The following PLCG1 variants were observed in gnomAD, a reference collection of about 807,000 sequenced individuals.
PLCG1 encodes phospholipase C gamma 1, also known as 1-phosphatidylinositol 4,5-bisphosphate phosphodiesterase gamma-1.
PLCG1 carries 71 observed loss-of-function variants against 177.8 expected under a neutral mutation model. The observed-to-expected ratio is 0.40, with a 90% CI of 0.33 to 0.49. The LOEUF (loss-of-function observed/expected upper bound fraction) is 0.49. PLCG1 is among the 20% of genes least tolerant of loss of function. The probability of loss-of-function intolerance (pLI) is 0.72; values close to 1 mark genes in which losing one functional copy is unlikely to be tolerated. For synonymous variants in PLCG1, 658 were observed against 647.9 expected (o/e 1.02, Z -0.24); for missense variants, 1,281 against 1,709.0 (o/e 0.75, Z 4.42).
At chr20:41,145,506 G>A (rs1382412210) in intron 1 of PLCG1, among the ~76,000 whole-genome samples, 9 of 152,100 alleles carry the variant, frequency 5.9e-5, no homozygotes, top group Admixed American at 5.9e-4. Flanking sequence ...CCAACCCATG[G>A]CCCTACTTGA....
chr20:41,172,345 A>T lies in PLCG1; in HGVS notation c.2905+56A>T. On this transcript the variant is annotated intron_variant, in intron 25 of 31. Coordinates refer to ENST00000685551, the MANE Select transcript of PLCG1 (RefSeq NM_002660.3). This position sits in a 1 kb window ranked among gnomAD's most constrained non-coding sequence, Gnocchi z 7.0. ...TGTGCCTGGAGGGCCTGGTGGGTGC[A>T]AAAAGAGTATTTAGGTATCCCCCCA... The T allele has an allele frequency of 5.7e-6, 9 of 1,580,144 alleles. No individual in the cohort carries two copies. Among genetic ancestry groups the T allele is most frequent in the Non-Finnish European group, 7.0e-6 (8 of 1,149,098 alleles).
In PLCG1 at chr20:41,137,837, G is replaced by T. The variant is rs930333657; in HGVS notation, c.196G>T (p.Ala66Ser). Reference protein sequence around the residue: ...ETRQITWSRGADKIEGAIDIR... With the variant: ...ETRQITWSRGSDKIEGAIDIR... Reference sequence around the variant, plus strand: ...GCGCCAGATCACGTGGAGCCGGGGCGCCGACAAGATCGAGGGGGCCAGTAA... The same window carrying T: ...GCGCCAGATCACGTGGAGCCGGGGCTCCGACAAGATCGAGGGGGCCAGTAA... The change falls in exon 1 of 32, where the codon GCC becomes TCC. Residue 66 changes from alanine to serine, a missense_variant. Around this residue, in one of 4 missense-constraint regions of PLCG1, gnomAD observed 374 missense variants for 443.8 expected, o/e 0.84. Coordinates refer to ENST00000685551, the MANE Select transcript of PLCG1 (RefSeq NM_002660.3). This position sits in a 1 kb window ranked among gnomAD's most constrained non-coding sequence, Gnocchi z 7.3. 1 of 1,294,180 alleles carries T rather than the reference G, an allele frequency of 7.7e-7. No individual in the cohort carries two copies. The highest frequency in any genetic ancestry group is 9.9e-7 in the Non-Finnish European group (1 of 1,013,756). 80.2% of individuals were successfully genotyped at this position (1,294,180 alleles called of 1,614,324 possible).
Position 41,164,302 on chromosome 20 carries a change from TCCCTCAGCC to T in PLCG1, c.1217+102_1217+110del. ...GACTCCTCAAATGCCCTGTCCCCTC[TCCCTCAGCC>T]TTTCATCTTTGTCCTTCCTCTTGGC... is the stretch of plus-strand genomic sequence containing the variant. On this transcript the variant is annotated intron_variant, in intron 12 of 31. Coordinates refer to ENST00000685551, the MANE Select transcript of PLCG1 (RefSeq NM_002660.3). The surrounding 1 kb of genome is among the most constrained non-coding windows in gnomAD (Gnocchi z 6.4). 8.4e-7 allele frequency: 1 copy of T among 1,188,084 alleles called. No homozygotes were observed. The highest frequency in any genetic ancestry group is 1.2e-6 in the Non-Finnish European group (1 of 818,888). 73.6% of individuals were successfully genotyped at this position (1,188,084 alleles called of 1,614,324 possible).
chr20:41,162,919 C>T lies in PLCG1; in HGVS notation c.682-39C>T, dbSNP rs774185670. 3.1e-6 allele frequency: 5 copies of T among 1,603,970 alleles called. No homozygotes were observed. In the South Asian group the frequency reaches 3.3e-5, roughly 11 times the overall value. On this transcript the variant is annotated intron_variant, in intron 6 of 31. Transcript: ENST00000685551. ...TACTAGCCCATTTCCCACATGGCCT[C>T]CCAGGGGTCTTGCCCTGACCAGGTT...
chr20:41,174,256 G>C lies in PLCG1; in HGVS notation c.3778G>C (p.Asp1260His). 1 of 1,614,208 alleles carries C rather than the reference G, an allele frequency of 6.2e-7. No homozygotes were observed. The highest frequency in any genetic ancestry group is 1.3e-5 in the African/African-American group (1 of 75,054). ...ATCCCGCTACCAGCAGCCGTTTGAG[G>C]ACTTCCGCATCTCCCAGGAGCATCT... ...FESRYQQPFEDFRISQEHLAD... is the reference protein window; with the variant it reads ...FESRYQQPFEHFRISQEHLAD... The change falls in exon 31 of 32, where the codon GAC becomes CAC. Residue 1260 changes from aspartate (D) to histidine (H), a missense_variant. Asp to His is a moderately conservative substitution (Grantham distance 81). Around this residue, in one of 4 missense-constraint regions of PLCG1, gnomAD observed 153 missense variants for 153.2 expected, o/e 1.00. Coordinates refer to ENST00000685551, the MANE Select transcript of PLCG1 (RefSeq NM_002660.3). The surrounding 1 kb of genome is among the most constrained non-coding windows in gnomAD (Gnocchi z 5.8).
Position 41,162,977 on chromosome 20 carries a change from A to C in PLCG1, c.701A>C (p.Glu234Ala). Reference protein sequence around the residue: ...AQKTMDLPFLEASTLRAGERP... With the variant: ...AQKTMDLPFLAASTLRAGERP... ...CTGCAGATGGACCTCCCCTTCTTGGAAGCCAGTACTCTGAGGTTTGGTTTG... is the reference window on the plus strand; with the variant it reads ...CTGCAGATGGACCTCCCCTTCTTGGCAGCCAGTACTCTGAGGTTTGGTTTG... The change falls in exon 7 of 32, where the codon GAA becomes GCA. Residue 234 changes from glutamate (E) to alanine (A), a missense_variant. This residue lies in a region of PLCG1 where 374 missense variants were observed against 443.8 expected (regional missense o/e 0.84). Transcript: ENST00000685551. 1 of 1,613,974 alleles carries C rather than the reference A, an allele frequency of 6.2e-7. No homozygotes were observed. Among genetic ancestry groups the C allele is most frequent in the Non-Finnish European group, 8.5e-7 (1 of 1,179,938 alleles).
At position 41,150,974 on chromosome 20, in the gene PLCG1, G is replaced by A. The variant is rs1318529598; in HGVS notation, c.218-8632G>A. 1.3e-5 allele frequency among the ~76,000 whole-genome samples: 2 copies of A among 152,168 alleles called. No homozygotes were observed. The highest frequency in any genetic ancestry group is 4.8e-5 in the African/African-American group (2 of 41,442). On this transcript the variant is annotated intron_variant, in intron 1 of 31. Transcript: ENST00000685551. The surrounding 1 kb of genome is among the most constrained non-coding windows in gnomAD (Gnocchi z 4.0). Reference sequence around the variant, plus strand: ...TTGATCTCTGTTTCCCTAGGACCCAGCCCAGGGCCTGACATGGAGTAGATA... The same window carrying A: ...TTGATCTCTGTTTCCCTAGGACCCAACCCAGGGCCTGACATGGAGTAGATA...
Position 41,168,849 on chromosome 20 carries a change from T to C in PLCG1, c.2462T>C (p.Val821Ala). ...TFIKSAIIQN[V>A]EKQEGGWWRG... ...ATCAAGAGCGCCATCATCCAGAATG[T>C]GGAGAAGCAAGAGGGAGGCTGGTAA... is the stretch of plus-strand genomic sequence containing the variant. Residue 821 changes from valine (V) to alanine (A), a missense_variant, in exon 21 of 32, where the codon GTG becomes GCG. Val to Ala is a moderately conservative substitution (Grantham distance 64, BLOSUM62 0). Coordinates refer to ENST00000685551, the MANE Select transcript of PLCG1 (RefSeq NM_002660.3). 6.2e-7 allele frequency: 1 copy of C among 1,610,816 alleles called. No individual in the cohort carries two copies. Among genetic ancestry groups the C allele is most frequent in the Non-Finnish European group, 8.5e-7 (1 of 1,178,248 alleles).
In PLCG1 at chr20:41,164,038, A is replaced by T. The variant is rs748169325; in HGVS notation, c.1096+32A>T. 1.2e-6 allele frequency: 2 copies of T among 1,614,064 alleles called. No homozygotes were observed. Among genetic ancestry groups the T allele is most frequent in the Non-Finnish European group, 1.7e-6 (2 of 1,180,010 alleles). ...GGGGTCCAGGGCTGGGGGAGGGAAG[A>T]TGGGAGGCCTGCCCGCTTGACCATG... On this transcript the variant is annotated intron_variant, in intron 11 of 31. Transcript: ENST00000685551. This position sits in a 1 kb window ranked among gnomAD's most constrained non-coding sequence, Gnocchi z 6.4.
In PLCG1 at chr20:41,173,457, G is replaced by T; in HGVS notation, c.3317G>T (p.Gly1106Val). Reference sequence around the variant, plus strand: ...CGACATCTGCCAAAGAATGGCCGAGGCATTGTGTGTCCTTTTGTGGAGATT... The same window carrying T: ...CGACATCTGCCAAAGAATGGCCGAGTCATTGTGTGTCCTTTTGTGGAGATT... The part of the protein sequence containing the change: ...GARHLPKNGR[G>V]IVCPFVEIEV... The change falls in exon 28 of 32, where the codon GGC (glycine) becomes GTC (valine). Residue 1106 changes from glycine to valine, a missense_variant. Gly to Val is a moderately radical substitution (Grantham distance 109, BLOSUM62 -3). Coordinates refer to ENST00000685551, the MANE Select transcript of PLCG1 (RefSeq NM_002660.3). This position sits in a 1 kb window ranked among gnomAD's most constrained non-coding sequence, Gnocchi z 6.2. 6.2e-7 allele frequency: 1 copy of T among 1,612,728 alleles called. No individual in the cohort carries two copies. The highest frequency in any genetic ancestry group is 8.5e-7 in the Non-Finnish European group (1 of 1,179,102).
In PLCG1 at chr20:41,147,864, A is replaced by T. The variant is rs1367479222; in HGVS notation, c.217+10006A>T. Among the ~76,000 whole-genome samples the T allele has an allele frequency of 6.6e-6, 1 of 151,946 alleles. No individual in the cohort carries two copies. Among genetic ancestry groups the T allele is most frequent in the Non-Finnish European group, 1.5e-5 (1 of 67,998 alleles). ...CTCTGTCTCTTTAAAAAAAAAAAAA[A>T]ATTTAAGCTGGGCTTTCTGGGCAGG... On this transcript the variant is annotated intron_variant, in intron 1 of 31. Coordinates refer to ENST00000685551, the MANE Select transcript of PLCG1 (RefSeq NM_002660.3). The surrounding 1 kb of genome is among the most constrained non-coding windows in gnomAD (Gnocchi z 4.0).
rs945379736 is a variant in PLCG1 at position 41,162,550 on chromosome 20, A to G, written c.597+14A>G. 1 of 1,612,424 alleles carries G rather than the reference A, an allele frequency of 6.2e-7. No homozygotes were observed. The highest frequency in any genetic ancestry group is 8.5e-7 in the Non-Finnish European group (1 of 1,179,206). On this transcript the variant is annotated intron_variant, in intron 5 of 31. Coordinates refer to ENST00000685551, the MANE Select transcript of PLCG1 (RefSeq NM_002660.3). ...GAGCGGCTGACGGTAAGTGCCACCC[A>G]GGGCTGTCTGTAGATGGGGGCAGGG...
At chr20:41,138,932 G>A (rs34984154) in intron 1 of PLCG1, among the ~76,000 whole-genome samples, 47 of 152,296 alleles carry the variant, frequency 3.1e-4, no homozygotes, top group African/African-American at 1.1e-3. Flanking sequence ...TGGTGTGTCT[G>A]CAACTCTAGA....
In PLCG1 at chr20:41,166,125, G is replaced by GA; in HGVS notation, c.1800-69_1800-68insA. The stretch of plus-strand genomic sequence containing the variant: ...CCCTCCTTGAGTTCCACCCTCATTT[G>GA]GGGTGGAACTTGGTCTTTGGGGCCC... On this transcript the variant is annotated intron_variant, in intron 16 of 31. Transcript: ENST00000685551. The surrounding 1 kb of genome is among the most constrained non-coding windows in gnomAD (Gnocchi z 8.6). The GA allele has an allele frequency of 7.4e-7, 1 of 1,355,260 alleles. No homozygotes were observed. The highest frequency in any genetic ancestry group is 1.0e-6 in the Non-Finnish European group (1 of 961,064). The allele number at this position is 1,355,260 out of a possible 1,614,324, so 84.0% of individuals were successfully genotyped here.
rs368036852 is a variant in PLCG1 at position 41,149,499 on chromosome 20, G to A, written c.218-10107G>A. Among the ~76,000 whole-genome samples the A allele has an allele frequency of 5.1e-4, 77 of 152,352 alleles. 1 individual carries two copies. Among genetic ancestry groups the A allele is most frequent in the East Asian group, 4.8e-3 (25 of 5,186 alleles). The stretch of plus-strand genomic sequence containing the variant: ...GGGTATGGCAAGAGGCCTTGGTTCT[G>A]GTGAGAGAGAGAAGACAGTGTTTGG... On this transcript the variant is annotated intron_variant, in intron 1 of 31. Transcript: ENST00000685551.
In PLCG1 at chr20:41,173,903, C is replaced by G. The variant is rs2035981027; in HGVS notation, c.3557-20C>G. The stretch of plus-strand genomic sequence containing the variant: ...GCTCTGTCCCTCGTGGGCTGAGGGC[C>G]AGGCTTTTCCTCCTCCTAGGATACA... On this transcript the variant is annotated intron_variant, in intron 29 of 31. Transcript: ENST00000685551. This position sits in a 1 kb window ranked among gnomAD's most constrained non-coding sequence, Gnocchi z 6.2. 1 of 1,612,908 alleles carries G rather than the reference C, an allele frequency of 6.2e-7. No homozygotes were observed. The highest frequency in any genetic ancestry group is 8.5e-7 in the Non-Finnish European group (1 of 1,179,020).
chr20:41,163,354 C>T lies in PLCG1; in HGVS notation c.790-24C>T, dbSNP rs370675366. The stretch of plus-strand genomic sequence containing the variant: ...ATCCCTGACTGGAGGCTTCTCTCAT[C>T]CCCTGCCCTCCCTACCCCATCAGGA... On this transcript the variant is annotated intron_variant, in intron 8 of 31. Coordinates refer to ENST00000685551, the MANE Select transcript of PLCG1 (RefSeq NM_002660.3). The surrounding 1 kb of genome is among the most constrained non-coding windows in gnomAD (Gnocchi z 5.2). 8.6e-4 allele frequency: 1,383 copies of T among 1,603,814 alleles called. 23 individuals carry two copies. The South Asian group carries it at 0.012, about 14-fold the overall frequency.
At chr20:41,169,572 A>C (rs758774218) in intron 23 of PLCG1, 46 bp downstream of exon 23, 1 of 1,441,802 alleles carries the variant, frequency 6.9e-7, no homozygotes. Flanking sequence ...CTAGGGTGAG[A>C]TTCTTCTTTG....
rs1478070770 is a variant in PLCG1 at position 41,163,257 on chromosome 20, C to T, written c.771C>T (p.Phe257=). Residue 257 remains phenylalanine (F), a synonymous_variant, in exon 8 of 32, where the codon TTC becomes TTT. Transcript: ENST00000685551. This position sits in a 1 kb window ranked among gnomAD's most constrained non-coding sequence, Gnocchi z 5.2. ...CRVSLPEFQQ[F]LLDYQGELWA... is the part of the protein sequence containing the mutation. ...TGTCCCTTCCTGAGTTCCAGCAGTT[C>T]CTTCTTGACTACCAGGGGGTATGGC... is the stretch of plus-strand genomic sequence containing the variant. 2 of 1,557,080 alleles carry T rather than the reference C, an allele frequency of 1.3e-6. No individual in the cohort carries two copies. Among genetic ancestry groups the T allele is most frequent in the East Asian group, 2.2e-5 (1 of 44,448 alleles).
Sources: gnomAD v4.1 joint callset for allele counts (sites outside exome capture counted in the v4.1 genomes callset) on GRCh38, gnomAD v4.1.1 for gene constraint, gnomAD v4.1.1 regional missense constraint, Gnocchi (gnomAD v3.1) non-coding constraint, MANE v1.5 for transcripts, NCBI Gene and HGNC (gene_info 2026-07-23, HGNC 2026-07-21) for gene names.